The following FAM227B variants were observed in gnomAD, a reference collection of about 807,000 sequenced individuals.
The protein encoded by FAM227B is protein FAM227B.
FAM227B carries 88 observed loss-of-function variants against 73.8 expected under a neutral mutation model. That is an observed-to-expected ratio of 1.19 (90% CI 1.00 to 1.42). The LOEUF (loss-of-function observed/expected upper bound fraction) is 1.42. FAM227B is among the 40% of genes most tolerant of loss of function. The pLI, the probability that FAM227B is intolerant of heterozygous loss-of-function variation, is 0.00. For missense variants in FAM227B, 632 were observed against 590.9 expected, an observed-to-expected ratio of 1.07 and a Z score of -0.72; for synonymous variants, 210 against 190.5, an observed-to-expected ratio of 1.10 and a Z score of -0.84.
intron 13 of FAM227B, among the ~76,000 whole-genome samples, chr15:49,348,910 C>G (rs1004630140): frequency 6.6e-6 from 1 of 152,134 alleles, no homozygotes; most frequent in African/African-American, 2.4e-5. Context: ...CTAAATTGAA[C>G]AAACCAACCT....
intron 10 of FAM227B, among the ~76,000 whole-genome samples, chr15:49,531,871 G>A (rs1000676959): frequency 1.3e-4 from 20 of 151,628 alleles, no homozygotes; most frequent in African/African-American, 4.8e-4. Flanking sequence ...GGCCATTATT[G>A]TACATTGTTG....
chr15:49,484,397 G>A (rs1163604663), intron 11 of FAM227B: 3 of 1,593,838 alleles, frequency 1.9e-6, no homozygotes, highest in Non-Finnish European at 2.5e-6. Context: ...GACACACAAC[G>A]GAGGGGAAAT....
intron 11 of FAM227B, among the ~76,000 whole-genome samples, chr15:49,403,139 A>G (rs2048287462): frequency 6.6e-6 from 1 of 152,164 alleles, no homozygotes; most frequent in Admixed American, 6.5e-5. Context: ...CAACTTGATC[A>G]TGGTGGATAA....
chr15:49,525,693 T>TAC (rs2060127957), intron 10 of FAM227B, among the ~76,000 whole-genome samples: 1 of 65,112 alleles, frequency 1.5e-5, no homozygotes, highest in Admixed American at 1.5e-4. Flanking sequence ...TATATATATA[T>TAC]ATATATATAT....
chr15:49,578,566 C>T (rs775718781), intron 5 of FAM227B, among the ~76,000 whole-genome samples: 2 of 152,024 alleles, frequency 1.3e-5, no homozygotes, highest in African/African-American at 2.4e-5. Context: ...CACACAATAC[C>T]ACACATACAC....
At chr15:49,342,312 T>A (rs1053832206) in intron 13 of FAM227B, among the ~76,000 whole-genome samples, 1 of 152,200 alleles carries the variant, frequency 6.6e-6, no homozygotes, top group East Asian at 1.9e-4. Context: ...CTGTTGTTGG[T>A]TTAAAGTCTG....
chr15:49,608,255 G>A (rs183778110), intron 3 of FAM227B, among the ~76,000 whole-genome samples: 1 of 152,058 alleles, frequency 6.6e-6, no homozygotes. Flanking sequence ...TTTAAAACAG[G>A]GTCAGTGAAG....
intron 9 of FAM227B, among the ~76,000 whole-genome samples, chr15:49,567,680 T>C (rs1260115520): frequency 6.6e-6 from 1 of 152,112 alleles, no homozygotes; most frequent in Non-Finnish European, 1.5e-5. Context: ...TGTTTTGAAA[T>C]GCTAAATATT....
At chr15:49,476,231 G>GTTTTTTTTTTTTTTTTTTTTTTTTTTT (rs1567351795) in intron 11 of FAM227B, among the ~76,000 whole-genome samples, 2 of 29,114 alleles carry the variant, frequency 6.9e-5, no homozygotes, top group Non-Finnish European at 1.5e-4. Context: ...TTTTGTTTTT[G>GTTTTTTTTTTTTTTTTTTTTTTTTTTT]GTTTTTTTTT....
chr15:49,497,375 A>T (rs1295154764), intron 11 of FAM227B, among the ~76,000 whole-genome samples: 4 of 152,196 alleles, frequency 2.6e-5, no homozygotes, highest in Non-Finnish European at 5.9e-5. Flanking sequence ...CAGAAACTGT[A>T]AAGCAACAAG....
At chr15:49,398,265 T>C (rs1426648057) in intron 11 of FAM227B, among the ~76,000 whole-genome samples, 5 of 151,718 alleles carry the variant, frequency 3.3e-5, no homozygotes, top group Admixed American at 6.6e-5. Flanking sequence ...CATTACATAA[T>C]GGTAAAGGGA....
intron 5 of FAM227B, among the ~76,000 whole-genome samples, chr15:49,581,597 G>T (rs750855733): frequency 6.6e-6 from 1 of 152,098 alleles, no homozygotes; most frequent in Non-Finnish European, 1.5e-5. Flanking sequence ...GATTACAGGC[G>T]TGAGCCACCG....
At position 49,588,098 on chromosome 15, in the gene FAM227B, G is replaced by A. The variant is rs1233699107; in HGVS notation, c.338-15C>T. The A allele has an allele frequency of 7.3e-7, 1 of 1,367,736 alleles. No individual in the cohort carries two copies. The highest frequency in any genetic ancestry group is 9.8e-7 in the Non-Finnish European group (1 of 1,022,370). The allele number at this position is 1,367,736 out of a possible 1,614,324, so 84.7% of individuals were successfully genotyped here. The stretch of plus-strand genomic sequence containing the variant: ...TCTATAAGAACCTTTAAGAAAATAA[G>A]AATTCACAGTATATATATTATACAT... On this transcript the variant is annotated splice_polypyrimidine_tract_variant and intron_variant, in intron 4 of 15. Transcript: ENST00000299338.
rs184928664 is a variant in FAM227B, at chr15:49,397,932, G to A, written c.1013-26533C>T. Among the ~76,000 whole-genome samples the A allele has an allele frequency of 5.6e-3, 844 of 151,796 alleles. 18 individuals carry two copies. The highest frequency in any genetic ancestry group is 0.02 in the African/African-American group (810 of 41,442). ...AGACCATCAAGACTAGGAAGAAACT[G>A]CATCAACTAACCAGCAAAATAACCA... On this transcript the variant is annotated intron_variant, in intron 11 of 15. Transcript: ENST00000299338.
At chr15:49,386,422 C>G (rs1386100374) in intron 11 of FAM227B, among the ~76,000 whole-genome samples, 1 of 151,528 alleles carries the variant, frequency 6.6e-6, no homozygotes, top group African/African-American at 2.4e-5. Flanking sequence ...ACAATGAAAT[C>G]AAGATGGAAA....
chr15:49,401,424 C>A (rs1430526078), intron 11 of FAM227B, among the ~76,000 whole-genome samples: 77 of 151,998 alleles, frequency 5.1e-4, no homozygotes, highest in Admixed American at 2.4e-3. Context: ...TAGTTCAACC[C>A]TTGTGGAAGT....
intron 11 of FAM227B, among the ~76,000 whole-genome samples, chr15:49,451,477 GTATA>G (rs2052737320): frequency 6.6e-6 from 1 of 151,970 alleles, no homozygotes; most frequent in African/African-American, 2.4e-5. Context: ...AAATCTATAT[GTATA>G]TATAGATTAT....
At chr15:49,464,650 A>G (rs2054104937) in intron 11 of FAM227B, among the ~76,000 whole-genome samples, 1 of 152,240 alleles carries the variant, frequency 6.6e-6, no homozygotes, top group Non-Finnish European at 1.5e-5. Flanking sequence ...TGACACCAAT[A>G]AATCATTTCA....
intron 13 of FAM227B, among the ~76,000 whole-genome samples, chr15:49,360,256 C>G (rs918103093): frequency 1.3e-5 from 2 of 149,000 alleles, no homozygotes; most frequent in Non-Finnish European, 3.0e-5. Flanking sequence ...AAAAAAAAGT[C>G]TGTGTATGCA....
Sources: allele counts gnomAD v4.1 joint callset (sites outside exome capture counted in the v4.1 genomes callset), GRCh38; gene constraint gnomAD v4.1.1; transcripts MANE v1.5; gene names NCBI Gene and HGNC (gene_info 2026-07-23, HGNC 2026-07-21).